The following COL5A2 variants were observed in gnomAD, a reference collection of about 807,000 sequenced individuals.
COL5A2 encodes collagen type V alpha 2 chain.
Under a neutral mutation model 208.2 loss-of-function variants are expected in COL5A2, and 23 were observed. That is an observed-to-expected ratio of 0.11 (90% CI 0.08 to 0.16). The LOEUF (loss-of-function observed/expected upper bound fraction) is 0.16. Among genes scored for constraint, COL5A2 ranks in the 10% least tolerant of loss-of-function variants. COL5A2 has a pLI of 1.00. For missense variants in COL5A2, 1,590 were observed against 1,956.4 expected (o/e 0.81, Z 3.53); for synonymous variants, 625 against 628.5 (o/e 0.99, Z 0.08).
rs746454126 is a variant in COL5A2, at chr2:189,110,309, G to A, written c.238C>T (p.Leu80=). Residue 80 remains leucine (L), a synonymous_variant, in exon 2 of 54, where the codon CTG becomes TTG. Transcript: ENST00000374866. ...GGCGTTACAGGGTCGGCACAGTCCAGCACATCCTGGCATTCTATCTTGTCA... is the reference window on the plus strand; with the variant it reads ...GGCGTTACAGGGTCGGCACAGTCCAACACATCCTGGCATTCTATCTTGTCA... ...LCDKIECQDV[L]DCADPVTPPG... The A allele has an allele frequency of 1.2e-6, 2 of 1,614,124 alleles. No homozygotes were observed. The highest frequency in any genetic ancestry group is 2.2e-5 in the East Asian group (1 of 44,868).
At chr2:189,283,248 G>C in the COL5A2 span, among the ~76,000 whole-genome samples, 1 of 151,750 alleles carries the variant, frequency 6.6e-6, no homozygotes, top group Non-Finnish European at 1.5e-5. Context: ...AGAAAAAAGG[G>C]AAGAAGGAGA....
At chr2:189,411,900 G>T in the COL5A2 span, among the ~76,000 whole-genome samples, 3 of 152,126 alleles carry the variant, frequency 2.0e-5, no homozygotes, top group East Asian at 5.8e-4. Flanking sequence ...GGAATGAATT[G>T]CTACATACTA....
At chr2:189,210,579 C>A (rs1194526997) in intron 1 of COL5A2, among the ~76,000 whole-genome samples, 1 of 152,140 alleles carries the variant, frequency 6.6e-6, no homozygotes, top group Non-Finnish European at 1.5e-5. Context: ...AAACCAAAAA[C>A]TTTTATTCAA....
rs187704613 is a variant in COL5A2 at position 189,153,311 on chromosome 2, T to C, written c.97+26197A>G. Among the ~76,000 whole-genome samples the C allele has an allele frequency of 3.3e-5, 5 of 152,334 alleles. No individual in the cohort carries two copies. The East Asian group carries it at 7.7e-4, about 24-fold the overall frequency. On this transcript the variant is annotated intron_variant, in intron 1 of 53. Transcript: ENST00000374866. Reference sequence around the variant, plus strand: ...TGCTCTTCACATACATTATTTCATTTGGTTCTCACAACAGCTATTTGGTAA... The same window carrying C: ...TGCTCTTCACATACATTATTTCATTCGGTTCTCACAACAGCTATTTGGTAA...
intron 19 of COL5A2, 22 bp downstream of exon 19, chr2:189,068,764 C>T: frequency 6.4e-7 from 1 of 1,552,314 alleles, no homozygotes; most frequent in Non-Finnish European, 8.9e-7. Context: ...TGGGCTGGTT[C>T]TTAAATATGC....
intron 7 of COL5A2, among the ~76,000 whole-genome samples, chr2:189,089,507 A>G (rs1433746588): frequency 6.6e-6 from 1 of 152,160 alleles, no homozygotes; most frequent in Non-Finnish European, 1.5e-5. Context: ...AACTTTTGTA[A>G]AGCAAAAATC....
intron 50 of COL5A2, among the ~76,000 whole-genome samples, chr2:189,040,814 T>C (rs945042789): frequency 1.3e-4 from 20 of 152,222 alleles, no homozygotes; most frequent in African/African-American, 4.3e-4. Context: ...ATTCCAATTT[T>C]CTAGCTGTTT....
chr2:189,265,619 T>C, the COL5A2 span, among the ~76,000 whole-genome samples: 2 of 152,198 alleles, frequency 1.3e-5, no homozygotes, highest in Non-Finnish European at 2.9e-5. Context: ...GGGTTAAGAC[T>C]TCAACAAATC....
intron 1 of COL5A2, among the ~76,000 whole-genome samples, chr2:189,140,324 T>G (rs992202290): frequency 2.0e-5 from 3 of 152,204 alleles, no homozygotes; most frequent in Non-Finnish European, 4.4e-5. Context: ...AGGGCCTCAA[T>G]GAAGAACACA....
intron 29 of COL5A2, among the ~76,000 whole-genome samples, chr2:189,062,194 T>G (rs1686048054): frequency 6.6e-6 from 1 of 151,834 alleles, no homozygotes; most frequent in Non-Finnish European, 1.5e-5. Context: ...ATTTTTTTTT[T>G]TTTTTTGGAG....
the COL5A2 span, among the ~76,000 whole-genome samples, chr2:189,397,496 T>C: frequency 2.6e-5 from 4 of 152,196 alleles, no homozygotes; most frequent in Admixed American, 2.6e-4. Flanking sequence ...CAATTATTGA[T>C]TCTATTTCTT....
chr2:189,202,036 A>G (rs1466581983), intron 1 of COL5A2, among the ~76,000 whole-genome samples: 2 of 151,546 alleles, frequency 1.3e-5, no homozygotes, highest in Non-Finnish European at 2.9e-5. Flanking sequence ...ATAGAATTTG[A>G]GAAGTAAAGC....
At chr2:189,398,646 T>C in the COL5A2 span, among the ~76,000 whole-genome samples, 1 of 152,168 alleles carries the variant, frequency 6.6e-6, no homozygotes, top group Non-Finnish European at 1.5e-5. Flanking sequence ...ATTCGACCTT[T>C]CACTGTGCTT....
At chr2:189,359,822 C>T in the COL5A2 span, among the ~76,000 whole-genome samples, 3 of 152,000 alleles carry the variant, frequency 2.0e-5, no homozygotes. Context: ...AGGAATTTAT[C>T]TATTTGTTAG....
At chr2:189,410,850 A>G in the COL5A2 span, among the ~76,000 whole-genome samples, 2 of 152,224 alleles carry the variant, frequency 1.3e-5, no homozygotes, top group African/African-American at 4.8e-5. Flanking sequence ...AAATTTTTAC[A>G]GTACAAATGG....
At chr2:189,265,514 A>G in the COL5A2 span, among the ~76,000 whole-genome samples, 1 of 152,150 alleles carries the variant, frequency 6.6e-6, no homozygotes, top group Non-Finnish European at 1.5e-5. Flanking sequence ...CAGTCAGTGG[A>G]TTAGGGCCCA....
chr2:189,251,599 C>G, the COL5A2 span, among the ~76,000 whole-genome samples: 5 of 150,816 alleles, frequency 3.3e-5, no homozygotes, highest in African/African-American at 7.3e-5. Flanking sequence ...TTCTCGAGCT[C>G]AAAACATTTT....
At chr2:189,130,753 T>C (rs1687693945) in intron 1 of COL5A2, among the ~76,000 whole-genome samples, 1 of 152,018 alleles carries the variant, frequency 6.6e-6, no homozygotes, top group Admixed American at 6.6e-5. Context: ...TAAACCAGTC[T>C]ACAAACCTAC....
Position 189,037,585 on chromosome 2 carries a change from C to T in COL5A2, c.3926-782G>A, listed in dbSNP as rs138109533. On this transcript the variant is annotated intron_variant, in intron 51 of 53. Coordinates refer to ENST00000374866, the MANE Select transcript of COL5A2 (RefSeq NM_000393.5). The stretch of plus-strand genomic sequence containing the variant: ...TAGGCTCTTTGTAGCTCATTTGTCT[C>T]CTGTGACTTAGGATCCCTCTTCTCT... Among the ~76,000 whole-genome samples, 1,408 of 152,264 alleles carry T rather than the reference C, an allele frequency of 9.2e-3. 9 individuals are homozygous for T. Among genetic ancestry groups the T allele is most frequent in the Non-Finnish European group, 0.014 (928 of 68,002 alleles).
Sources: gnomAD v4.1 joint callset for allele counts (sites outside exome capture counted in the v4.1 genomes callset) on GRCh38, gnomAD v4.1.1 for gene constraint, MANE v1.5 for transcripts, NCBI Gene and HGNC (gene_info 2026-07-23, HGNC 2026-07-21) for gene names.